The following CPEB3 variants were observed in gnomAD, a reference collection of about 807,000 sequenced individuals.
The protein encoded by CPEB3 is cytoplasmic polyadenylation element binding protein 3.
A neutral mutation model predicts 67.2 loss-of-function variants in CPEB3; 20 were observed. That is an observed-to-expected ratio of 0.30 (90% CI 0.21 to 0.43). The LOEUF (loss-of-function observed/expected upper bound fraction) is 0.43. Ranked by LOEUF, CPEB3 falls within the 20% of genes least tolerant of loss-of-function variation. CPEB3 has a pLI of 1.00. For synonymous variants in CPEB3, 376 were observed against 393.1 expected (o/e 0.96, Z 0.51); for missense variants, 746 against 968.6 (o/e 0.77, Z 3.05).
At chr10:92,104,010 C>T (rs1373564893) in intron 7 of CPEB3, among the ~76,000 whole-genome samples, 1 of 152,148 alleles carries the variant, frequency 6.6e-6, no homozygotes. Flanking sequence ...ATACTAATTC[C>T]ACAGGAATCT....
At chr10:92,174,479 A>G (rs897254030) in intron 4 of CPEB3, among the ~76,000 whole-genome samples, 1 of 152,236 alleles carries the variant, frequency 6.6e-6, no homozygotes, top group African/African-American at 2.4e-5. Flanking sequence ...TCAGCTATGT[A>G]TACATTGTTT....
At chr10:92,233,142 G>A (rs902474778) in intron 2 of CPEB3, among the ~76,000 whole-genome samples, 1 of 152,148 alleles carries the variant, frequency 6.6e-6, no homozygotes, top group Non-Finnish European at 1.5e-5. Context: ...ACCAACTAGA[G>A]AAGAGTCTTA....
chr10:92,153,752 G>A (rs1369763562), intron 4 of CPEB3, among the ~76,000 whole-genome samples: 3 of 152,208 alleles, frequency 2.0e-5, no homozygotes, highest in Non-Finnish European at 4.4e-5. Flanking sequence ...CTGCACTCAA[G>A]CCTGGGCGAT....
At chr10:92,286,542 A>C (rs1842532403) in intron 1 of CPEB3, among the ~76,000 whole-genome samples, 1 of 150,772 alleles carries the variant, frequency 6.6e-6, no homozygotes, top group African/African-American at 2.4e-5. Context: ...CTGAGATGGC[A>C]CCACTGCACT....
intron 2 of CPEB3, among the ~76,000 whole-genome samples, chr10:92,231,542 G>A (rs531356115): frequency 3.0e-4 from 46 of 151,344 alleles, no homozygotes; most frequent in Non-Finnish European, 4.0e-4. Flanking sequence ...CTCCATTTTC[G>A]CAGACTGAGA....
intron 4 of CPEB3, among the ~76,000 whole-genome samples, chr10:92,162,369 A>T (rs1366404852): frequency 6.6e-6 from 1 of 152,118 alleles, no homozygotes; most frequent in Non-Finnish European, 1.5e-5. Context: ...TACATTGAGC[A>T]ATATATTTAT....
rs1163185811 is a variant in CPEB3, at chr10:92,141,820, C to G, written c.1453+1209G>C. 2.7e-5 allele frequency among the ~76,000 whole-genome samples: 4 copies of G among 150,000 alleles called. No homozygotes were observed. The South Asian group carries it at 8.4e-4, about 32-fold the overall frequency. ...GATCACGAGGTCAGGAGAGCGAGAC[C>G]ATCCTGGCTAACACGGTGAAACCCT... is the stretch of plus-strand genomic sequence containing the variant. On this transcript the variant is annotated intron_variant, in intron 6 of 9. Coordinates refer to ENST00000265997, the MANE Select transcript of CPEB3 (RefSeq NM_014912.5).
At chr10:92,228,168 G>T (rs1253331412) in intron 2 of CPEB3, among the ~76,000 whole-genome samples, 1 of 152,136 alleles carries the variant, frequency 6.6e-6, no homozygotes, top group Admixed American at 6.6e-5. Context: ...GATTACATGC[G>T]TGAGCCACTG....
At chr10:92,215,584 G>A (rs1850324400) in intron 2 of CPEB3, among the ~76,000 whole-genome samples, 1 of 147,890 alleles carries the variant, frequency 6.8e-6, no homozygotes, top group Non-Finnish European at 1.5e-5. Context: ...TGGGATTACA[G>A]GCGCCCACCA....
chr10:92,170,682 A>G (rs896158905), intron 4 of CPEB3, among the ~76,000 whole-genome samples: 14 of 152,208 alleles, frequency 9.2e-5, no homozygotes, highest in Middle Eastern at 3.4e-3. Flanking sequence ...AGGGAGGGAG[A>G]GAGGAAGAAA....
chr10:92,127,291 A>G (rs1374928740), intron 6 of CPEB3, among the ~76,000 whole-genome samples: 2 of 152,264 alleles, frequency 1.3e-5, no homozygotes, highest in East Asian at 3.9e-4. Context: ...AAGTAAGTAG[A>G]CAGAAAATGC....
intron 1 of CPEB3, among the ~76,000 whole-genome samples, chr10:92,245,676 A>G (rs1463724625): frequency 1.3e-5 from 2 of 152,284 alleles, no homozygotes; most frequent in East Asian, 3.9e-4. Flanking sequence ...GATCAACCCA[A>G]GGTTAATGTT....
intron 6 of CPEB3, chr10:92,119,262 A>T (rs1845211504): frequency 6.4e-7 from 1 of 1,565,276 alleles, no homozygotes; most frequent in Admixed American, 1.7e-5. Flanking sequence ...AGTTCTCCTT[A>T]TTTGTTTAGA....
intron 9 of CPEB3, among the ~76,000 whole-genome samples, chr10:92,061,406 C>T (rs1186434238): frequency 5.4e-5 from 6 of 110,308 alleles, no homozygotes; most frequent in Non-Finnish European, 3.5e-5. Flanking sequence ...GTGAAAAGAG[C>T]GAAATTCTGT....
At chr10:92,147,433 G>C (rs1846739443) in intron 4 of CPEB3, among the ~76,000 whole-genome samples, 2 of 151,994 alleles carry the variant, frequency 1.3e-5, no homozygotes, top group Non-Finnish European at 1.5e-5. Context: ...ACCAGCCTGG[G>C]TGACAGAGTG....
chr10:92,181,103 T>A, intron 3 of CPEB3, 84 bp from the exon 4 acceptor site: 1 of 743,928 alleles, frequency 1.3e-6, no homozygotes. Context: ...ATTACAAAAA[T>A]CTAAAACAGA....
intron 9 of CPEB3, among the ~76,000 whole-genome samples, chr10:92,079,926 C>T (rs895237401): frequency 4.0e-5 from 6 of 151,806 alleles, no homozygotes; most frequent in Non-Finnish European, 8.8e-5. Context: ...CTCGGCCAGG[C>T]GCGGTGGCTC....
chr10:92,048,358 GTT>G lies in CPEB3; in HGVS notation c.*3852_*3853del, dbSNP rs143546605. The G allele has an allele frequency of 0.33, 46,364 of 139,588 alleles. 8,176 individuals are homozygous for G. Among genetic ancestry groups the G allele is most frequent in the East Asian group, 0.51 (2,511 of 4,936 alleles). The allele number at this position is 139,588 out of a possible 1,614,324, so 8.6% of individuals were successfully genotyped here. On this transcript the variant is annotated 3_prime_UTR_variant, in exon 10 of 10. Coordinates refer to ENST00000265997, the MANE Select transcript of CPEB3 (RefSeq NM_014912.5). The surrounding 1 kb of genome is among the most constrained non-coding windows in gnomAD (Gnocchi z 4.1). ...CACACAAGGACAGCAGTTGGTGGCA[GTT>G]TTTCTCTCTCTCTCTCTCTCTCTCT...
intron 1 of CPEB3, among the ~76,000 whole-genome samples, chr10:92,286,094 C>T (rs527317646): frequency 1.3e-4 from 20 of 151,966 alleles, no homozygotes; most frequent in Admixed American, 9.8e-4. Context: ...CGCCACCATG[C>T]CCGGCTAATT....
Sources: allele counts gnomAD v4.1 joint callset (sites outside exome capture counted in the v4.1 genomes callset), GRCh38; gene constraint gnomAD v4.1.1; non-coding constraint Gnocchi (gnomAD v3.1); transcripts MANE v1.5; gene names NCBI Gene and HGNC (gene_info 2026-07-23, HGNC 2026-07-21).